The following BAZ2B variants were observed in gnomAD, a reference collection of about 807,000 sequenced individuals.
BAZ2B encodes bromodomain adjacent to zinc finger domain 2B.
In BAZ2B, 91 loss-of-function variants were observed where a neutral mutation model predicts 246.0. The observed-to-expected ratio is 0.37, with a 90% CI of 0.31 to 0.44. The LOEUF (loss-of-function observed/expected upper bound fraction) is 0.44. Among genes scored for constraint, BAZ2B ranks in the 20% least tolerant of loss-of-function variants. The probability of loss-of-function intolerance (pLI) is 1.00; values close to 1 mark genes in which losing one functional copy is unlikely to be tolerated. For missense variants in BAZ2B, 2,332 were observed against 2,533.7 expected (o/e 0.92, Z 1.71); for synonymous variants, 855 against 860.0 (o/e 0.99, Z 0.10).
chr2:159,517,081 A>AT (rs990180905), intron 2 of BAZ2B, among the ~76,000 whole-genome samples: 5 of 152,080 alleles, frequency 3.3e-5, no homozygotes, highest in African/African-American at 1.2e-4. Context: ...AAGCATGTCT[A>AT]TTTTTTTATT....
chr2:159,387,643 T>G (rs915133915), intron 21 of BAZ2B, among the ~76,000 whole-genome samples: 3 of 152,138 alleles, frequency 2.0e-5, no homozygotes, highest in Non-Finnish European at 2.9e-5. Context: ...TCCCTTTTTC[T>G]TGAACCACAG....
At chr2:159,521,405 A>G (rs940917086) in intron 2 of BAZ2B, among the ~76,000 whole-genome samples, 2 of 152,116 alleles carry the variant, frequency 1.3e-5, no homozygotes. Context: ...ACAGATGTGT[A>G]TATTTTCATT....
intron 2 of BAZ2B, among the ~76,000 whole-genome samples, chr2:159,548,913 G>A (rs1371910023): frequency 6.6e-6 from 1 of 152,088 alleles, no homozygotes; most frequent in Non-Finnish European, 1.5e-5. Flanking sequence ...ACTTACCAAA[G>A]TTTTTAGTTT....
At chr2:159,537,067 T>C (rs1165832995) in intron 2 of BAZ2B, among the ~76,000 whole-genome samples, 2 of 152,178 alleles carry the variant, frequency 1.3e-5, no homozygotes, top group African/African-American at 2.4e-5. Context: ...AGGAGTATCA[T>C]TCAGCCTTAA....
intron 1 of BAZ2B, among the ~76,000 whole-genome samples, chr2:159,585,748 T>C (rs542124125): frequency 2.0e-5 from 3 of 152,268 alleles, no homozygotes; most frequent in Non-Finnish European, 4.4e-5. Flanking sequence ...GTTTTATAAC[T>C]GTAATATAGT....
At chr2:159,338,839 T>G (rs938789783) in intron 31 of BAZ2B, among the ~76,000 whole-genome samples, 2 of 152,160 alleles carry the variant, frequency 1.3e-5, no homozygotes, top group Non-Finnish European at 2.9e-5. Context: ...CTTCCATATC[T>G]CTGCCAGAAG....
At chr2:159,317,924 A>G (rs547729813), downstream of BAZ2B, among the ~76,000 whole-genome samples, 2 of 152,318 alleles carry the variant, frequency 1.3e-5, no homozygotes, top group Admixed American at 1.3e-4. Flanking sequence ...ATGCCCACTC[A>G]GTGTTTAACA....
At chr2:159,615,660 G>C (rs953603530) in intron 1 of BAZ2B, 1 of 152,324 alleles carries the variant, frequency 6.6e-6, no homozygotes, top group African/African-American at 2.4e-5. Flanking sequence ...GGGTGATCCA[G>C]AAACTACCCC....
intron 3 of BAZ2B, among the ~76,000 whole-genome samples, chr2:159,457,078 A>G (rs1011247105): frequency 6.6e-6 from 1 of 152,310 alleles, no homozygotes. Context: ...CAAAACACAG[A>G]TAGTAATTCC....
At chr2:159,558,915 T>A (rs908265107) in intron 1 of BAZ2B, among the ~76,000 whole-genome samples, 1 of 152,118 alleles carries the variant, frequency 6.6e-6, no homozygotes, top group African/African-American at 2.4e-5. Flanking sequence ...ACTAACCTTC[T>A]CTACCCCATC....
intron 1 of BAZ2B, among the ~76,000 whole-genome samples, chr2:159,565,782 A>C (rs2090348479): frequency 6.6e-6 from 1 of 151,320 alleles, no homozygotes; most frequent in Non-Finnish European, 1.5e-5. Context: ...CATCTCAAAA[A>C]AAAAAAAAAA....
At chr2:159,563,226 T>C (rs965228692) in intron 1 of BAZ2B, among the ~76,000 whole-genome samples, 1 of 152,158 alleles carries the variant, frequency 6.6e-6, no homozygotes, top group Admixed American at 6.5e-5. Flanking sequence ...GAACATAGAA[T>C]AATTTCATCA....
At chr2:159,606,382 G>A (rs911889262) in intron 1 of BAZ2B, among the ~76,000 whole-genome samples, 1 of 152,118 alleles carries the variant, frequency 6.6e-6, no homozygotes, top group Non-Finnish European at 1.5e-5. Context: ...ACCCAGAAAC[G>A]AAGAAAAGGT....
chr2:159,413,474 G>A (rs190652098), intron 13 of BAZ2B, among the ~76,000 whole-genome samples: 1 of 152,054 alleles, frequency 6.6e-6, no homozygotes, highest in East Asian at 1.9e-4. Flanking sequence ...TTGGGAGGCC[G>A]AGGCAGGCAG....
At chr2:159,557,595 C>A (rs1053075650) in intron 1 of BAZ2B, among the ~76,000 whole-genome samples, 1 of 152,164 alleles carries the variant, frequency 6.6e-6, no homozygotes, top group Non-Finnish European at 1.5e-5. Context: ...TTTCTCACTT[C>A]AATCGGGTCT....
chr2:159,679,271 CAAAAAAAAA>C, the BAZ2B span, among the ~76,000 whole-genome samples: 4 of 64,464 alleles, frequency 6.2e-5, no homozygotes, highest in East Asian at 4.9e-4. Context: ...GACTTCATCT[CAAAAAAAAA>C]AAAAAAAAAA....
At chr2:159,326,044 A>G in intron 34 of BAZ2B, 126 bp from the exon 35 acceptor site, 1 of 792,266 alleles carries the variant, frequency 1.3e-6, no homozygotes, top group Non-Finnish European at 1.9e-6. Flanking sequence ...GAATGTTGAT[A>G]ACTATTATTC....
chr2:159,690,447 T>A, the BAZ2B span, among the ~76,000 whole-genome samples: 1 of 152,200 alleles, frequency 6.6e-6, no homozygotes, highest in Non-Finnish European at 1.5e-5. Context: ...AAGTATTTTA[T>A]CTTCCTCATT....
chr2:159,469,642 T>C (rs1336891972), intron 3 of BAZ2B, among the ~76,000 whole-genome samples: 1 of 152,126 alleles, frequency 6.6e-6, no homozygotes, highest in East Asian at 1.9e-4. Flanking sequence ...GGTTTCATCA[T>C]GTTGGCGAGG....
Sources: allele counts gnomAD v4.1 joint callset (sites outside exome capture counted in the v4.1 genomes callset), GRCh38; gene constraint gnomAD v4.1.1; transcripts MANE v1.5; gene names NCBI Gene and HGNC (gene_info 2026-07-23, HGNC 2026-07-21).